CDH1: variants seen among roughly 807,000 people sequenced by gnomAD.
CDH1 encodes the protein cadherin 1, also known as cadherin-1.
In CDH1, 35 loss-of-function variants were observed where a neutral mutation model predicts 84.5. The ratio of observed to expected loss-of-function variants is 0.41; its 90% CI spans 0.32 to 0.55. The LOEUF (loss-of-function observed/expected upper bound fraction) is 0.55, where lower values mean the gene tolerates loss of function less well. CDH1 is among the 20% of genes least tolerant of loss of function. The pLI is 0.19. For synonymous variants in CDH1, 417 were observed against 439.0 expected (o/e 0.95, Z 0.63); for missense variants, 994 against 1,126.6 (o/e 0.88, Z 1.68).
chr16:68,802,305 C>A (rs1417017836), intron 3 of CDH1, among the ~76,000 whole-genome samples: 2 of 152,150 alleles, frequency 1.3e-5, no homozygotes, highest in Non-Finnish European at 2.9e-5. Context: ...AATTACGTCA[C>A]CTGTCTATGC....
At chr16:68,808,354 G>A (rs1960721630) in intron 3 of CDH1, 70 bp from the exon 4 acceptor site, 2 of 1,542,736 alleles carry the variant, frequency 1.3e-6, no homozygotes, top group South Asian at 2.2e-5. Context: ...GTCTGGCTAG[G>A]TTGGACTGTT....
At chr16:68,812,361 C>G in intron 8 of CDH1, 98 bp downstream of exon 8, 1 of 1,260,298 alleles carries the variant, frequency 7.9e-7, no homozygotes, top group Non-Finnish European at 1.2e-6. Context: ...TTTGAAAACT[C>G]TCTCCAGACT....
intron 15 of CDH1, 152 bp downstream of exon 15, chr16:68,829,949 TTTTC>T: frequency 1.5e-6 from 1 of 682,468 alleles, no homozygotes; most frequent in Non-Finnish European, 2.2e-6. Flanking sequence ...TTTTCTTTTT[TTTTC>T]TTTTTCTTTT....
Position 68,743,281 on chromosome 16 carries a change from CTCTT to C in CDH1, c.163+4952_163+4955del, listed in dbSNP as rs751271382. 4.5e-3 allele frequency among the ~76,000 whole-genome samples: 615 copies of C among 135,602 alleles called. 24 individuals are homozygous for C. Among genetic ancestry groups the C allele is most frequent in the East Asian group, 0.013 (56 of 4,290 alleles). The allele number at this position is 135,602 out of a possible 152,430, so 89.0% of individuals were successfully genotyped here. A position where few individuals can be genotyped will look rare whatever the true frequency, so the allele number is the denominator to read the frequency against. On this transcript the variant is annotated intron_variant, in intron 2 of 15. Coordinates refer to ENST00000261769, the MANE Select transcript of CDH1 (RefSeq NM_004360.5). Reference sequence around the variant, plus strand: ...TGTCCCAATCCAATCCTTGCTGGGTCTCTTTCTTTCTTTCTTTCTTTCTTTCTTT... The same window carrying C: ...TGTCCCAATCCAATCCTTGCTGGGTCTCTTTCTTTCTTTCTTTCTTTCTTT...
intron 2 of CDH1, among the ~76,000 whole-genome samples, chr16:68,776,754 T>A (rs903298963): frequency 6.6e-6 from 1 of 152,220 alleles, no homozygotes; most frequent in African/African-American, 2.4e-5. Flanking sequence ...TGTTTTGAGT[T>A]ATGCACAGTT....
chr16:68,808,154 G>A (rs1193597297), intron 3 of CDH1, among the ~76,000 whole-genome samples: 1 of 152,198 alleles, frequency 6.6e-6, no homozygotes, highest in Non-Finnish European at 1.5e-5. Context: ...ACTTGTGTAT[G>A]CATGATGATT....
chr16:68,811,651 T>C (rs1960832305), intron 6 of CDH1, 33 bp from the exon 7 acceptor site: 2 of 1,606,774 alleles, frequency 1.2e-6, no homozygotes, highest in East Asian at 2.2e-5. Context: ...AAGTGCAGCT[T>C]GTCTAAACCT....
rs764191610 is a variant in CDH1 at position 68,738,182 on chromosome 16, G to C, written c.49-115G>C. 4.3e-6 allele frequency: 3 copies of C among 692,442 alleles called. No homozygotes were observed. The African/African-American group carries it at 5.5e-5, about 13-fold the overall frequency. The allele number at this position is 692,442 out of a possible 1,614,324, so 42.9% of individuals were successfully genotyped here. A position where few individuals can be genotyped will look rare whatever the true frequency, so the allele number is the denominator to read the frequency against. ...CCGCCCGTCCCGGGGCTGCGGGCTG[G>C]GGTCCTCCCCCAATCCCGACGCCGG... On this transcript the variant is annotated intron_variant, in intron 1 of 15. Coordinates refer to ENST00000261769, the MANE Select transcript of CDH1 (RefSeq NM_004360.5).
At chr16:68,739,210 C>T (rs891400210) in intron 2 of CDH1, among the ~76,000 whole-genome samples, 7 of 151,928 alleles carry the variant, frequency 4.6e-5, no homozygotes, top group East Asian at 1.9e-4. Context: ...GTCAGGAGTT[C>T]GAGACCAGCC....
At chr16:68,803,249 A>C (rs1380792504) in intron 3 of CDH1, among the ~76,000 whole-genome samples, 1 of 152,188 alleles carries the variant, frequency 6.6e-6, no homozygotes, top group Non-Finnish European at 1.5e-5. Flanking sequence ...TAATTAGACC[A>C]GAAAAATGAG....
intron 2 of CDH1, among the ~76,000 whole-genome samples, chr16:68,756,347 A>G (rs1963019053): frequency 6.6e-6 from 1 of 152,110 alleles, no homozygotes; most frequent in Non-Finnish European, 1.5e-5. Context: ...GCAGTGAGGC[A>G]AACACCTGGG....
At chr16:68,787,006 A>G (rs1335377039) in intron 2 of CDH1, among the ~76,000 whole-genome samples, 2 of 152,172 alleles carry the variant, frequency 1.3e-5, no homozygotes, top group Non-Finnish European at 2.9e-5. Flanking sequence ...CTTGTTCTTG[A>G]GTTATTGAAT....
At chr16:68,781,287 A>C (rs983195044) in intron 2 of CDH1, among the ~76,000 whole-genome samples, 9 of 151,572 alleles carry the variant, frequency 5.9e-5, no homozygotes, top group Non-Finnish European at 1.3e-4. Context: ...TTCATTCTCC[A>C]CCCTCCTCCA....
rs554837587 is a variant in CDH1, at chr16:68,776,009, G to T, written c.164-25661G>T. Among the ~76,000 whole-genome samples, 7 of 152,262 alleles carry T rather than the reference G, an allele frequency of 4.6e-5. No individual in the cohort carries two copies. In the East Asian group the frequency reaches 1.4e-3, roughly 29 times the overall value. On this transcript the variant is annotated intron_variant, in intron 2 of 15. Transcript: ENST00000261769. ...TTTCTTTTGGTGAGACAGAGTCTCA[G>T]TTTATCACCCAGACTGGAGTGCAGT...
intron 2 of CDH1, chr16:68,770,915 A>G: frequency 6.6e-6 from 1 of 151,670 alleles, no homozygotes; most frequent in Admixed American, 6.6e-5. Context: ...AGGACAGATA[A>G]GTGCCTCTGC....
chr16:68,805,951 T>C (rs1567503390), intron 3 of CDH1, among the ~76,000 whole-genome samples: 1 of 151,732 alleles, frequency 6.6e-6, no homozygotes, highest in Non-Finnish European at 1.5e-5. Flanking sequence ...GGGATTGGTT[T>C]TTGTTTTTGT....
At chr16:68,753,487 A>C (rs1365018893) in intron 2 of CDH1, among the ~76,000 whole-genome samples, 3 of 151,598 alleles carry the variant, frequency 2.0e-5, no homozygotes, top group Admixed American at 2.0e-4. Context: ...GCTAATTTTT[A>C]GCCACCATGC....
intron 2 of CDH1, among the ~76,000 whole-genome samples, chr16:68,743,839 C>A (rs959142889): frequency 6.6e-6 from 1 of 152,204 alleles, no homozygotes; most frequent in Non-Finnish European, 1.5e-5. Flanking sequence ...AGTCACTTTA[C>A]TTCTATGAGT....
intron 2 of CDH1, among the ~76,000 whole-genome samples, chr16:68,748,870 G>A (rs1292509388): frequency 1.3e-5 from 2 of 152,152 alleles, no homozygotes; most frequent in African/African-American, 2.4e-5. Context: ...ACGGAGTCTC[G>A]CTCTTGTCGC....
Sources: allele counts gnomAD v4.1 joint callset (sites outside exome capture counted in the v4.1 genomes callset), GRCh38; gene constraint gnomAD v4.1.1; transcripts MANE v1.5; gene names NCBI Gene and HGNC (gene_info 2026-07-23, HGNC 2026-07-21).